TCF12: variants seen among roughly 807,000 people sequenced by gnomAD.
TCF12 encodes the protein transcription factor 12.
A neutral mutation model predicts 86.0 loss-of-function variants in TCF12; 45 were observed. The observed-to-expected ratio is 0.52, with a 90% CI of 0.41 to 0.67. The LOEUF (loss-of-function observed/expected upper bound fraction) is 0.67. Ranked by LOEUF, TCF12 falls within the 30% of genes least tolerant of loss-of-function variation. The pLI is 0.00. For synonymous variants in TCF12, 330 were observed against 299.6 expected (o/e 1.10, Z -1.05); for missense variants, 881 against 859.9 (o/e 1.02, Z -0.31).
At chr15:56,937,388 A>T (rs1418706345) in intron 3 of TCF12, among the ~76,000 whole-genome samples, 1 of 151,040 alleles carries the variant, frequency 6.6e-6, no homozygotes, top group African/African-American at 2.4e-5. Flanking sequence ...AGACGGAGTC[A>T]TTCTGTCTCC....
chr15:57,239,221 C>T (rs1283332631), intron 12 of TCF12, among the ~76,000 whole-genome samples: 11 of 152,034 alleles, frequency 7.2e-5, no homozygotes, highest in Admixed American at 7.2e-4. Context: ...CATGGTGGTG[C>T]ATGCCTGTAA....
intron 13 of TCF12, among the ~76,000 whole-genome samples, chr15:57,250,925 C>CA (rs1396757186): frequency 4.0e-5 from 6 of 150,934 alleles, no homozygotes; most frequent in Non-Finnish European, 7.4e-5. Context: ...GAAACAAAAC[C>CA]AAAAAAACAG....
chr15:57,120,466 A>G (rs2051150615), intron 5 of TCF12, among the ~76,000 whole-genome samples: 1 of 152,244 alleles, frequency 6.6e-6, no homozygotes, highest in African/African-American at 2.4e-5. Context: ...AACTGTAGAT[A>G]GATTACATGA....
intron 16 of TCF12, among the ~76,000 whole-genome samples, chr15:57,258,417 C>T (rs1183082273): frequency 6.6e-6 from 1 of 152,180 alleles, no homozygotes; most frequent in African/African-American, 2.4e-5. Context: ...TCCATCAAAA[C>T]ACCTTTCTCT....
chr15:56,948,454 T>A (rs2061112248), intron 3 of TCF12, among the ~76,000 whole-genome samples: 1 of 152,218 alleles, frequency 6.6e-6, no homozygotes, highest in Non-Finnish European at 1.5e-5. Flanking sequence ...TTCTTTTCTT[T>A]CTTTGAAGAA....
chr15:57,017,962 A>G (rs886186274), intron 3 of TCF12, among the ~76,000 whole-genome samples: 2 of 152,204 alleles, frequency 1.3e-5, no homozygotes, highest in African/African-American at 2.4e-5. Context: ...ATGTATCACA[A>G]ACTCCAGGGA....
At chr15:57,006,369 A>G (rs541217678) in intron 3 of TCF12, among the ~76,000 whole-genome samples, 4 of 151,870 alleles carry the variant, frequency 2.6e-5, no homozygotes, top group South Asian at 4.2e-4. Flanking sequence ...CAGTGGTGCT[A>G]TCTTGGTTCA....
At chr15:57,048,285 A>G (rs2920266) in intron 3 of TCF12, among the ~76,000 whole-genome samples, 124,356 of 152,106 alleles carry the variant, frequency 0.82, 51,309 homozygotes, top group African/African-American at 0.93. Context: ...TTTTTGAGAC[A>G]GAGTCTCGCT....
chr15:57,073,077 C>T (rs1380844884), intron 4 of TCF12, among the ~76,000 whole-genome samples: 1 of 152,074 alleles, frequency 6.6e-6, no homozygotes, highest in African/African-American at 2.4e-5. Context: ...TCAGACTAGC[C>T]TTTCTTCCTG....
At chr15:57,090,070 A>G (rs1458457579) in intron 4 of TCF12, among the ~76,000 whole-genome samples, 1 of 151,902 alleles carries the variant, frequency 6.6e-6, no homozygotes, top group Non-Finnish European at 1.5e-5. Flanking sequence ...TTAAAAATTG[A>G]TTGGGTGTGG....
At chr15:57,152,947 A>AG (rs2053868230) in intron 5 of TCF12, among the ~76,000 whole-genome samples, 1 of 152,118 alleles carries the variant, frequency 6.6e-6, no homozygotes, top group South Asian at 2.1e-4. Flanking sequence ...AACCAGAGGC[A>AG]GAAAAAAAAA....
chr15:56,958,072 T>C (rs1464245757), intron 3 of TCF12, among the ~76,000 whole-genome samples: 2 of 152,212 alleles, frequency 1.3e-5, no homozygotes, highest in African/African-American at 2.4e-5. Context: ...TTTAGAGTTA[T>C]TCAGTCTCTA....
intron 5 of TCF12, among the ~76,000 whole-genome samples, chr15:57,156,465 G>C (rs571400971): frequency 6.6e-6 from 1 of 152,194 alleles, no homozygotes; most frequent in African/African-American, 2.4e-5. Context: ...CCGTTGGCCT[G>C]TTTATGACCA....
rs2061940319 is a variant in TCF12 at position 57,286,575 on chromosome 15, C to G, written c.*430C>G. 1 of 453,320 alleles carries G rather than the reference C, an allele frequency of 2.2e-6. No individual in the cohort carries two copies. The highest frequency in any genetic ancestry group is 2.0e-5 in the African/African-American group (1 of 49,968). The allele number at this position is 453,320 out of a possible 1,614,324, so 28.1% of individuals were successfully genotyped here. On this transcript the variant is annotated 3_prime_UTR_variant, in exon 21 of 21. Coordinates refer to ENST00000333725, the MANE Select transcript of TCF12 (RefSeq NM_207037.2). ...GAAAAAGTTAATGTGGAAAGCTGATCTACACTCAGCTGATGCCAGCATACA... is the reference window on the plus strand; with the variant it reads ...GAAAAAGTTAATGTGGAAAGCTGATGTACACTCAGCTGATGCCAGCATACA...
At chr15:57,239,585 G>A (rs1025413290) in intron 12 of TCF12, among the ~76,000 whole-genome samples, 2 of 151,780 alleles carry the variant, frequency 1.3e-5, no homozygotes, top group African/African-American at 2.4e-5. Flanking sequence ...AAAGAGAGGG[G>A]AGTAACTAGA....
rs1467191329 is a variant in TCF12, at chr15:57,133,999, C to CAGAGT, written c.326-32401_326-32397dup. Among the ~76,000 whole-genome samples, 4 of 152,176 alleles carry CAGAGT rather than the reference C, an allele frequency of 2.6e-5. No individual in the cohort carries two copies. The East Asian group carries it at 7.7e-4, about 29-fold the overall frequency. ...GTTTCTGTGATCATAATTGGATTATCAGAGTACTGATGTATTTTTAAGCTT... is the reference window on the plus strand; with the variant it reads ...GTTTCTGTGATCATAATTGGATTATCAGAGTAGAGTACTGATGTATTTTTAAGCTT... On this transcript the variant is annotated intron_variant, in intron 5 of 20. Transcript: ENST00000333725.
intron 12 of TCF12, among the ~76,000 whole-genome samples, chr15:57,242,342 A>G (rs2151966448): frequency 6.6e-6 from 1 of 152,318 alleles, no homozygotes; most frequent in African/African-American, 2.4e-5. Flanking sequence ...ATTGTCCAAG[A>G]AGAGATCTTA....
chr15:57,112,901 AG>A lies in TCF12; in HGVS notation c.325+21012del, dbSNP rs1413692511. Among the ~76,000 whole-genome samples the A allele has an allele frequency of 1.1e-4, 17 of 152,328 alleles. No homozygotes were observed. In the East Asian group the frequency reaches 3.1e-3, roughly 28 times the overall value. ...GTAATATAGAGCATTTTATTTGAGT[AG>A]GAAAAAAAATAAAATCCAAACTCAT... On this transcript the variant is annotated intron_variant, in intron 5 of 20. Transcript: ENST00000333725.
intron 12 of TCF12, among the ~76,000 whole-genome samples, chr15:57,235,526 G>T (rs982022972): frequency 1.2e-4 from 18 of 152,138 alleles, no homozygotes; most frequent in Admixed American, 8.5e-4. Flanking sequence ...ATCTTACAAG[G>T]TATTGATGAG....
Sources: gnomAD v4.1 joint callset for allele counts (sites outside exome capture counted in the v4.1 genomes callset) on GRCh38, gnomAD v4.1.1 for gene constraint, MANE v1.5 for transcripts, NCBI Gene and HGNC (gene_info 2026-07-23, HGNC 2026-07-21) for gene names.